The following MCCC2 variants were observed in gnomAD, a reference collection of about 807,000 sequenced individuals.
The protein encoded by MCCC2 is methylcrotonoyl-CoA carboxylase beta chain, mitochondrial.
In MCCC2, 52 loss-of-function variants were observed where a neutral mutation model predicts 77.2. The ratio of observed to expected loss-of-function variants is 0.67; its 90% CI spans 0.54 to 0.85. The LOEUF is 0.85. Ranked by LOEUF, MCCC2 falls within the 40% of genes least tolerant of loss-of-function variation. The probability of loss-of-function intolerance (pLI) is 0.00; values close to 1 mark genes in which losing one functional copy is unlikely to be tolerated. For missense variants in MCCC2, 682 were observed against 703.2 expected (o/e 0.97, Z 0.34); for synonymous variants, 253 against 248.4 (o/e 1.02, Z -0.18).
intron 7 of MCCC2, among the ~76,000 whole-genome samples, chr5:71,627,533 CT>C (rs1219400030): frequency 6.6e-6 from 1 of 152,108 alleles, no homozygotes; most frequent in Non-Finnish European, 1.5e-5. Flanking sequence ...AATAACGGCG[CT>C]TTGAATGTAT....
chr5:71,637,813 G>A (rs181664611), intron 10 of MCCC2, among the ~76,000 whole-genome samples: 203 of 152,232 alleles, frequency 1.3e-3, no homozygotes, highest in Admixed American at 2.6e-3. Flanking sequence ...CAGCCTCCTG[G>A]GTTCATGCCA....
intron 1 of MCCC2, among the ~76,000 whole-genome samples, chr5:71,591,662 C>T (rs113242342): frequency 0.012 from 1,836 of 152,178 alleles, 34 homozygotes; most frequent in African/African-American, 0.041. Context: ...GTCTCGAACT[C>T]CCGACCGTAG....
chr5:71,598,995 G>T (rs1351090959), intron 3 of MCCC2, among the ~76,000 whole-genome samples: 1 of 151,552 alleles, frequency 6.6e-6, no homozygotes. Flanking sequence ...CTGGGCTCAA[G>T]CAGTCCACCC....
chr5:71,640,451 G>A (rs918438061), intron 10 of MCCC2, among the ~76,000 whole-genome samples: 2 of 148,194 alleles, frequency 1.3e-5, no homozygotes, highest in East Asian at 3.9e-4. Context: ...TTTCTCAGTC[G>A]GAGAGCTGGG....
At chr5:71,637,322 C>T (rs2112444129) in intron 10 of MCCC2, among the ~76,000 whole-genome samples, 1 of 152,306 alleles carries the variant, frequency 6.6e-6, no homozygotes, top group South Asian at 2.1e-4. Context: ...AGTTCCAGAT[C>T]ACTGCAATAA....
chr5:71,599,178 GGC>G (rs1213762686), intron 3 of MCCC2, among the ~76,000 whole-genome samples: 1 of 151,996 alleles, frequency 6.6e-6, no homozygotes, highest in African/African-American at 2.4e-5. Context: ...AGACCAGCCT[GGC>G]CAACATGGTG....
At chr5:71,614,728 C>T (rs1013650128) in intron 6 of MCCC2, among the ~76,000 whole-genome samples, 1 of 152,068 alleles carries the variant, frequency 6.6e-6, no homozygotes, top group African/African-American at 2.4e-5. Flanking sequence ...AAGTGATCTG[C>T]CCGCATTGGT....
chr5:71,611,334 T>G (rs1745934812), intron 6 of MCCC2, among the ~76,000 whole-genome samples: 1 of 151,292 alleles, frequency 6.6e-6, no homozygotes, highest in East Asian at 2.0e-4. Context: ...CCTTGGAGTT[T>G]GAGGCTACAG....
chr5:71,632,805 C>G (rs915029917), intron 8 of MCCC2, among the ~76,000 whole-genome samples: 3 of 152,088 alleles, frequency 2.0e-5, no homozygotes, highest in African/African-American at 7.2e-5. Flanking sequence ...TGTGAGTTAG[C>G]TGTGAGCTGG....
At chr5:71,593,648 A>G (rs1180584842) in intron 2 of MCCC2, among the ~76,000 whole-genome samples, 1 of 151,954 alleles carries the variant, frequency 6.6e-6, no homozygotes, top group Non-Finnish European at 1.5e-5. Context: ...TTGGCCTCCC[A>G]AAGTGCTGGG....
At chr5:71,630,077 C>T (rs2112421381) in intron 7 of MCCC2, among the ~76,000 whole-genome samples, 1 of 152,282 alleles carries the variant, frequency 6.6e-6, no homozygotes, top group South Asian at 2.1e-4. Context: ...CCAGGGAAGC[C>T]TGAAGTTCTG....
chr5:71,602,178 A>G (rs1016420187), intron 4 of MCCC2, among the ~76,000 whole-genome samples: 1 of 151,682 alleles, frequency 6.6e-6, no homozygotes, highest in Non-Finnish European at 1.5e-5. Flanking sequence ...TATTATTTTC[A>G]TCTTATTAGG....
chr5:71,600,309 T>C (rs181606343), intron 4 of MCCC2, among the ~76,000 whole-genome samples: 2 of 152,352 alleles, frequency 1.3e-5, no homozygotes, highest in East Asian at 3.9e-4. Flanking sequence ...AGTACTTAAT[T>C]ATAAATTCTT....
intron 7 of MCCC2, among the ~76,000 whole-genome samples, chr5:71,630,342 T>C (rs1040601649): frequency 3.3e-5 from 5 of 152,238 alleles, no homozygotes; most frequent in African/African-American, 1.2e-4. Context: ...TCCTGTCTTT[T>C]GTTTATCTTT....
rs1561841289 is a variant in MCCC2 at position 71,633,112 on chromosome 5, TA to T, written c.803+928del. ...AGTTTTATATATATATATATATATA[TA>T]TATATATATATATATATATTTTTAT... On this transcript the variant is annotated intron_variant, in intron 8 of 16. Transcript: ENST00000340941. 5.1e-4 allele frequency among the ~76,000 whole-genome samples: 16 copies of T among 31,308 alleles called. 1 individual carries two copies. Among genetic ancestry groups the T allele is most frequent in the East Asian group, 1.2e-3 (1 of 834 alleles). The allele number at this position is 31,308 out of a possible 152,430, so 20.5% of individuals were successfully genotyped here.
intron 10 of MCCC2, 102 bp from the exon 11 acceptor site, chr5:71,640,901 A>T (rs142418829): frequency 7.0e-6 from 7 of 1,001,542 alleles, no homozygotes; most frequent in Non-Finnish European, 1.1e-5. Context: ...AAATTTTGTG[A>T]AAGTGACAAC....
intron 6 of MCCC2, among the ~76,000 whole-genome samples, chr5:71,615,645 C>G (rs982712009): frequency 2.0e-5 from 3 of 152,108 alleles, no homozygotes; most frequent in African/African-American, 7.2e-5. Context: ...GTTCCAGGAA[C>G]AGAGCTCCTA....
intron 4 of MCCC2, among the ~76,000 whole-genome samples, chr5:71,601,789 T>G (rs1213827289): frequency 1.3e-5 from 2 of 152,194 alleles, no homozygotes; most frequent in African/African-American, 2.4e-5. Flanking sequence ...ACCTCTGACC[T>G]TAAGGTTTCC....
At chr5:71,596,992 A>T (rs1745217220) in intron 3 of MCCC2, among the ~76,000 whole-genome samples, 1 of 152,134 alleles carries the variant, frequency 6.6e-6, no homozygotes, top group Non-Finnish European at 1.5e-5. Flanking sequence ...GACAAATGTC[A>T]TGAGAAAAAG....
Sources: allele counts gnomAD v4.1 joint callset (sites outside exome capture counted in the v4.1 genomes callset), GRCh38; gene constraint gnomAD v4.1.1; transcripts MANE v1.5; gene names NCBI Gene and HGNC (gene_info 2026-07-23, HGNC 2026-07-21).